MYT1L: variants seen among roughly 807,000 people sequenced by gnomAD.
MYT1L encodes the protein myelin transcription factor 1 like, also known as myelin transcription factor 1-like protein.
A neutral mutation model predicts 126.7 loss-of-function variants in MYT1L; 12 were observed. That is an observed-to-expected ratio of 0.09 (90% CI 0.06 to 0.15). MYT1L has a LOEUF of 0.15. Ranked by LOEUF, MYT1L falls within the 10% of genes least tolerant of loss-of-function variation. The pLI is 1.00. For synonymous variants in MYT1L, 541 were observed against 604.2 expected, an observed-to-expected ratio of 0.90 and a Z score of 1.53; for missense variants, 979 against 1,585.2, an observed-to-expected ratio of 0.62 and a Z score of 6.49.
intron 3 of MYT1L, among the ~76,000 whole-genome samples, chr2:2,055,165 T>C (rs981245545): frequency 2.0e-5 from 3 of 152,232 alleles, no homozygotes; most frequent in Non-Finnish European, 2.9e-5. Context: ...ATTTTTATGA[T>C]TGAGTCTACA....
intron 2 of MYT1L, among the ~76,000 whole-genome samples, chr2:2,274,621 G>C (rs1204494732): frequency 6.6e-6 from 1 of 152,228 alleles, no homozygotes; most frequent in Non-Finnish European, 1.5e-5. Context: ...GCCTGAGAAA[G>C]AAGGTATAGT....
At chr2:1,989,898 T>C (rs1402990929) in intron 5 of MYT1L, among the ~76,000 whole-genome samples, 1 of 152,102 alleles carries the variant, frequency 6.6e-6, no homozygotes, top group African/African-American at 2.4e-5. Flanking sequence ...CTCTGGAGGC[T>C]GAGACAGGAG....
intron 14 of MYT1L, among the ~76,000 whole-genome samples, chr2:1,892,630 G>A (rs2049059923): frequency 6.6e-6 from 1 of 151,470 alleles, no homozygotes; most frequent in African/African-American, 2.4e-5. Context: ...CTAGCTTTTA[G>A]GAGCCGCAGG....
chr2:2,109,559 G>GA (rs199577790), intron 3 of MYT1L, among the ~76,000 whole-genome samples: 16 of 148,514 alleles, frequency 1.1e-4, no homozygotes, highest in East Asian at 1.0e-3. Context: ...GAAATTTCTG[G>GA]AAAAAAAAAC....
intron 14 of MYT1L, among the ~76,000 whole-genome samples, chr2:1,896,681 G>T (rs1043276293): frequency 6.6e-6 from 1 of 152,164 alleles, no homozygotes; most frequent in African/African-American, 2.4e-5. Context: ...TCGACACTGT[G>T]GACACTAGAG....
chr2:2,306,883 T>C (rs2095866252), intron 1 of MYT1L, among the ~76,000 whole-genome samples: 1 of 152,146 alleles, frequency 6.6e-6, no homozygotes, highest in Non-Finnish European at 1.5e-5. Flanking sequence ...TATAAATAGC[T>C]ATCAATGCAA....
intron 1 of MYT1L, among the ~76,000 whole-genome samples, chr2:2,297,363 G>GGACACCTGGATGTGTCCC (rs2095710950): frequency 6.6e-6 from 1 of 152,216 alleles, no homozygotes; most frequent in African/African-American, 2.4e-5. Flanking sequence ...CGTGTGTGGG[G>GGACACCTGGATGTGTCCC]TGGATGGGAC....
At chr2:2,216,073 C>T (rs1473232161) in intron 2 of MYT1L, among the ~76,000 whole-genome samples, 1 of 74,938 alleles carries the variant, frequency 1.3e-5, no homozygotes, top group Non-Finnish European at 2.8e-5. Context: ...CTCAGTTCCA[C>T]GTTCCACCTC....
rs1234262533 is a variant in MYT1L, at chr2:1,979,674, T to G, written c.55+49A>C. The G allele has an allele frequency of 1.2e-6, 2 of 1,611,866 alleles. No homozygotes were observed. The highest frequency in any genetic ancestry group is 1.7e-6 in the Non-Finnish European group (2 of 1,178,174). ...CAGAATCGACCTCAGTTCCGCAGGA[T>G]GAAGGTGACCCTGAGCCGGCCTCAG... On this transcript the variant is annotated intron_variant, in intron 6 of 24. Coordinates refer to ENST00000647738, the MANE Select transcript of MYT1L (RefSeq NM_001303052.2). The surrounding 1 kb of genome is among the most constrained non-coding windows in gnomAD (Gnocchi z 4.0).
chr2:2,060,465 A>C (rs2070252091), intron 3 of MYT1L, among the ~76,000 whole-genome samples: 1 of 152,194 alleles, frequency 6.6e-6, no homozygotes, highest in Admixed American at 6.5e-5. Context: ...AAATTCAAGA[A>C]TGATCTATTA....
intron 4 of MYT1L, among the ~76,000 whole-genome samples, chr2:2,038,902 G>A (rs2067197439): frequency 1.3e-5 from 2 of 152,006 alleles, no homozygotes; most frequent in African/African-American, 2.4e-5. Flanking sequence ...TCTTTCCAGG[G>A]CCTCCCCTAG....
At chr2:2,323,313 A>G (rs1202292036) in intron 1 of MYT1L, among the ~76,000 whole-genome samples, 1 of 152,134 alleles carries the variant, frequency 6.6e-6, no homozygotes, top group African/African-American at 2.4e-5. Context: ...AAGTAAAGCA[A>G]CTCTTTAGAA....
rs1270344113 is a variant in MYT1L at position 1,979,678 on chromosome 2, GGT to G, written c.55+43_55+44del. ...ATCGACCTCAGTTCCGCAGGATGAA[GGT>G]GACCCTGAGCCGGCCTCAGGATGCA... On this transcript the variant is annotated intron_variant, in intron 6 of 24. Coordinates refer to ENST00000647738, the MANE Select transcript of MYT1L (RefSeq NM_001303052.2). The surrounding 1 kb of genome is among the most constrained non-coding windows in gnomAD (Gnocchi z 4.0). 2 of 1,612,566 alleles carry G rather than the reference GGT, an allele frequency of 1.2e-6. No individual in the cohort carries two copies. Among genetic ancestry groups the G allele is most frequent in the East Asian group, 4.5e-5 (2 of 44,862 alleles).
chr2:2,323,338 G>A lies in MYT1L; in HGVS notation c.-521+7629C>T, dbSNP rs1166681222. Among the ~76,000 whole-genome samples, 4 of 152,132 alleles carry A rather than the reference G, an allele frequency of 2.6e-5. No homozygotes were observed. The East Asian group carries it at 7.7e-4, about 29-fold the overall frequency. ...ACTCTTTAGAAAAAAAGCTTAAAAT[G>A]AAAGCAAAATAAAATCAAGTGATCT... On this transcript the variant is annotated intron_variant, in intron 1 of 24. Coordinates refer to ENST00000647738, the MANE Select transcript of MYT1L (RefSeq NM_001303052.2).
At chr2:2,301,912 A>AATT (rs755557140) in intron 1 of MYT1L, among the ~76,000 whole-genome samples, 9 of 152,148 alleles carry the variant, frequency 5.9e-5, no homozygotes, top group African/African-American at 1.7e-4. Flanking sequence ...AGTTCATGTG[A>AATT]ATTTGATCAA....
chr2:2,004,255 AGGCGTTCTTTCCTGCAGGCG>A (rs2062825953), intron 4 of MYT1L, among the ~76,000 whole-genome samples: 7 of 138,544 alleles, frequency 5.1e-5, no homozygotes, highest in Non-Finnish European at 1.1e-4. Flanking sequence ...TCTTTCCTGC[AGGCGTTCTTTCCTGCAGGCG>A]TTCTTTCCTG....
intron 2 of MYT1L, among the ~76,000 whole-genome samples, chr2:2,241,834 A>G (rs747054508): frequency 1.3e-4 from 20 of 152,330 alleles, no homozygotes; most frequent in Admixed American, 8.5e-4. Flanking sequence ...GAGAGCAGTC[A>G]CAAAAGAACA....
At position 1,887,531 on chromosome 2, in the gene MYT1L, G is replaced by C. The variant is rs1405187419; in HGVS notation, c.2599C>G (p.Pro867Ala). ...PGEVTIPSPK[P>A]KYPQCKESKK... ...CTCTCCTTGCACTGAGGGTACTTGG[G>C]TTTGGGACTTGGGATGGTCACCTCC... The change falls in exon 17 of 25, where the codon CCC (proline) becomes GCC (alanine). Residue 867 changes from proline to alanine, a missense_variant. Around this residue, in one of 12 missense-constraint regions of MYT1L, gnomAD observed 141 missense variants for 170.6 expected, o/e 0.83. Transcript: ENST00000647738. The surrounding 1 kb of genome is among the most constrained non-coding windows in gnomAD (Gnocchi z 4.8). The C allele has an allele frequency of 6.2e-7, 1 of 1,613,982 alleles. No individual in the cohort carries two copies. The highest frequency in any genetic ancestry group is 1.7e-5 in the Admixed American group (1 of 60,012).
At chr2:2,139,729 C>T (rs72767395) in intron 3 of MYT1L, among the ~76,000 whole-genome samples, 6,537 of 152,174 alleles carry the variant, frequency 0.043, 210 homozygotes, top group Non-Finnish European at 0.066. Context: ...CAGTTCTGTT[C>T]CTCATGTTAT....
Sources: allele counts gnomAD v4.1 joint callset (sites outside exome capture counted in the v4.1 genomes callset), GRCh38; gene constraint gnomAD v4.1.1; regional missense constraint gnomAD v4.1.1; non-coding constraint Gnocchi (gnomAD v3.1); transcripts MANE v1.5; gene names NCBI Gene and HGNC (gene_info 2026-07-23, HGNC 2026-07-21).